The following PGC variants were observed in gnomAD, a reference collection of about 807,000 sequenced individuals.
The protein encoded by PGC is progastricsin.
PGC carries 31 observed loss-of-function variants against 45.9 expected under a neutral mutation model. That is an observed-to-expected ratio of 0.67 (90% CI 0.51 to 0.91). The LOEUF is 0.91. PGC is among the 40% of genes least tolerant of loss of function. PGC has a pLI of 0.00. For missense variants in PGC, 477 were observed against 493.2 expected (o/e 0.97, Z 0.31); for synonymous variants, 192 against 201.8 (o/e 0.95, Z 0.41).
intron 8 of PGC, 144 bp downstream of exon 8, chr6:41,737,586 T>C (rs1771709984): frequency 5.1e-6 from 3 of 584,950 alleles, no homozygotes; most frequent in Non-Finnish European, 3.1e-6. Context: ...GAAGGGGGTT[T>C]AGAATCAATG....
intron 3 of PGC, 31 bp from the exon 4 acceptor site, chr6:41,743,420 G>A: frequency 7.3e-7 from 1 of 1,375,332 alleles, no homozygotes; most frequent in Non-Finnish European, 1.0e-6. Flanking sequence ...GGGGAGTCAG[G>A]CCGGCTGGGG....
At chr6:41,738,239 T>TATATATATATAC (rs1771751227) in intron 7 of PGC, among the ~76,000 whole-genome samples, 1 of 49,886 alleles carries the variant, frequency 2.0e-5, no homozygotes, top group African/African-American at 9.7e-5. Flanking sequence ...TATATATATG[T>TATATATATATAC]ATATATATAT....
chr6:41,736,758 G>C lies in PGC; in HGVS notation c.*94C>G, dbSNP rs900844612. On this transcript the variant is annotated 3_prime_UTR_variant, in exon 9 of 9. Coordinates refer to ENST00000373025, the MANE Select transcript of PGC (RefSeq NM_002630.4). The stretch of plus-strand genomic sequence containing the variant: ...AGAGAAAGTCCAGAGTCCAGAAAAA[G>C]AAGGCTGAATCCAGAGTGGAAAGAC... 2 of 1,281,342 alleles carry C rather than the reference G, an allele frequency of 1.6e-6. No individual in the cohort carries two copies. Among genetic ancestry groups the C allele is most frequent in the Non-Finnish European group, 2.3e-6 (2 of 877,736 alleles). 79.4% of individuals were successfully genotyped at this position (1,281,342 alleles called of 1,614,324 possible). A position where few individuals can be genotyped will look rare whatever the true frequency, so the allele number is the denominator to read the frequency against.
intron 5 of PGC, 112 bp from the exon 6 acceptor site, chr6:41,740,722 C>A: frequency 6.7e-7 from 1 of 1,483,400 alleles, no homozygotes; most frequent in Non-Finnish European, 8.9e-7. Context: ...CAGACGGGGG[C>A]TCCCTGAGGA....
At chr6:41,746,038 T>G (rs1771926528) in intron 1 of PGC, among the ~76,000 whole-genome samples, 1 of 151,852 alleles carries the variant, frequency 6.6e-6, no homozygotes, top group African/African-American at 2.4e-5. Flanking sequence ...GGCGCATGCC[T>G]GTAATCCTAG....
chr6:41,744,831 G>A lies in PGC; in HGVS notation c.60-23C>T. On this transcript the variant is annotated intron_variant, in intron 1 of 8. Transcript: ENST00000373025. This position sits in a 1 kb window ranked among gnomAD's most constrained non-coding sequence, Gnocchi z 4.4. ...ACTCTACAGAAAGGTTGCATATGAGGCAAGGCCCTCCCTCCTTCCTCTCTT... is the reference window on the plus strand; with the variant it reads ...ACTCTACAGAAAGGTTGCATATGAGACAAGGCCCTCCCTCCTTCCTCTCTT... 2 of 1,608,066 alleles carry A rather than the reference G, an allele frequency of 1.2e-6. No individual in the cohort carries two copies. The highest frequency in any genetic ancestry group is 1.7e-6 in the Non-Finnish European group (2 of 1,176,470).
intron 5 of PGC, chr6:41,741,315 C>T: frequency 8.4e-7 from 1 of 1,196,342 alleles, no homozygotes; most frequent in East Asian, 2.7e-5. Context: ...CTTCAGATTC[C>T]CCAGATTAGT....
chr6:41,740,427 T>TGA, intron 6 of PGC, 64 bp downstream of exon 6: 1 of 1,551,088 alleles, frequency 6.4e-7, no homozygotes, highest in Non-Finnish European at 8.7e-7. Flanking sequence ...TGTGTGTGTG[T>TGA]GACATGGCCT....
chr6:41,737,911 A>G, intron 7 of PGC, 83 bp from the exon 8 acceptor site: 1 of 815,550 alleles, frequency 1.2e-6, no homozygotes, highest in South Asian at 1.5e-5. Flanking sequence ...CCTGGATCCC[A>G]GGCCTGAGCT....
chr6:41,744,663 T>C lies in PGC; in HGVS notation c.205A>G (p.Met69Val), dbSNP rs865931921. The C allele has an allele frequency of 1.2e-6, 2 of 1,614,076 alleles. No homozygotes were observed. The change falls in exon 2 of 9, where the codon ATG becomes GTG. Residue 69 changes from methionine (M) to valine (V), a missense_variant. By Grantham distance (21) the Met-to-Val change is conservative. Transcript: ENST00000373025. The surrounding 1 kb of genome is among the most constrained non-coding windows in gnomAD (Gnocchi z 4.4). Reference protein sequence around the residue: ...LSVTYEPMAYMDAAYFGEISI... With the variant: ...LSVTYEPMAYVDAAYFGEISI... ...CAGAAAGGGTCAGGACTCACATCCA[T>C]GTAGGCCATGGGCTCGTAGGTCACG...
chr6:41,744,774 T>A lies in PGC; in HGVS notation c.94A>T (p.Thr32Ser). ...CCCAGCAAGCCCTTCTCCTTCATGG[T>A]CTCACGGATAGACTTAAATTTCTTC... ...PLKKFKSIRE[T>S]MKEKGLLGEF... Residue 32 changes from threonine (T) to serine (S), a missense_variant, in exon 2 of 9, where the codon ACC becomes TCC. By Grantham distance (58) the Thr-to-Ser change is moderately conservative. Transcript: ENST00000373025. The surrounding 1 kb of genome is among the most constrained non-coding windows in gnomAD (Gnocchi z 4.4). The A allele has an allele frequency of 6.2e-7, 1 of 1,614,076 alleles. No homozygotes were observed. Among genetic ancestry groups the A allele is most frequent in the East Asian group, 2.2e-5 (1 of 44,870 alleles).
intron 6 of PGC, 34 bp downstream of exon 6, chr6:41,740,457 G>A (rs1771800599): frequency 6.3e-7 from 1 of 1,584,246 alleles, no homozygotes; most frequent in East Asian, 2.3e-5. Flanking sequence ...CTCCAAGGAA[G>A]TGCCACATCC....
At chr6:41,738,204 A>G (rs867140739) in intron 7 of PGC, among the ~76,000 whole-genome samples, 4 of 11,450 alleles carry the variant, frequency 3.5e-4, no homozygotes, top group African/African-American at 5.6e-4. Context: ...ATATATATGC[A>G]TATATATATG....
In PGC at chr6:41,737,733, G is replaced by A. The variant is rs1340180759; in HGVS notation, c.1011C>T (p.Leu337=). 7 of 1,581,830 alleles carry A rather than the reference G, an allele frequency of 4.4e-6. No homozygotes were observed. Among genetic ancestry groups the A allele is most frequent in the Middle Eastern group, 1.7e-4 (1 of 6,040 alleles). The change falls in exon 8 of 9, where the codon CTC becomes CTT. Residue 337 remains leucine, a synonymous_variant. Transcript: ENST00000373025. ...GCCTGCAGGGACCAGGACTTACACTGAGGATATAGGAGGAAGGTGGCAGAG... is the reference window on the plus strand; with the variant it reads ...GCCTGCAGGGACCAGGACTTACACTAAGGATATAGGAGGAAGGTGGCAGAG... ...EFPLPPSSYI[L]SNNGYCTVGV...
At chr6:41,738,123 C>CATATATATGCAT (rs1291360969) in intron 7 of PGC, among the ~76,000 whole-genome samples, 1 of 67,902 alleles carries the variant, frequency 1.5e-5, no homozygotes, top group Non-Finnish European at 3.4e-5. Context: ...TGCCTATATA[C>CATATATATGCAT]ATATATATGC....
chr6:41,741,368 G>A (rs1203116622), intron 5 of PGC: 5 of 738,850 alleles, frequency 6.8e-6, no homozygotes, highest in Middle Eastern at 3.9e-4. Flanking sequence ...GCCTAAGGCC[G>A]GGCGCAGTGG....
rs141940625 is a variant in PGC, at chr6:41,742,043, C to T, written c.647+247G>A. On this transcript the variant is annotated intron_variant, in intron 5 of 8. Transcript: ENST00000373025. Reference sequence around the variant, plus strand: ...CTGCTGTGGAAGAGATTCATTCCATCGTGGCCATGGAATGCAAAGACAAGT... The same window carrying T: ...CTGCTGTGGAAGAGATTCATTCCATTGTGGCCATGGAATGCAAAGACAAGT... 1.6e-4 allele frequency among the ~76,000 whole-genome samples: 25 copies of T among 152,262 alleles called. No individual in the cohort carries two copies. The East Asian group carries it at 4.1e-3, about 25-fold the overall frequency.
At chr6:41,740,002 G>A in intron 6 of PGC, 56 bp from the exon 7 acceptor site, 1 of 1,548,530 alleles carries the variant, frequency 6.5e-7, no homozygotes, top group Admixed American at 1.8e-5. Flanking sequence ...GGCAGCTGGG[G>A]CGGGCTTTCC....
At chr6:41,742,644 G>A (rs1464008358) in intron 4 of PGC, among the ~76,000 whole-genome samples, 155 bp from the exon 5 acceptor site, 1 of 152,100 alleles carries the variant, frequency 6.6e-6, no homozygotes, top group Admixed American at 6.6e-5. Context: ...TTGCTTGTTT[G>A]AGACAGAGTC....
Sources: allele counts gnomAD v4.1 joint callset (sites outside exome capture counted in the v4.1 genomes callset), GRCh38; gene constraint gnomAD v4.1.1; non-coding constraint Gnocchi (gnomAD v3.1); transcripts MANE v1.5; gene names NCBI Gene and HGNC (gene_info 2026-07-23, HGNC 2026-07-21).